FCHSD2: variants seen among roughly 807,000 people sequenced by gnomAD.
FCHSD2 encodes the protein F-BAR and double SH3 domains protein 2.
Under a neutral mutation model 108.1 loss-of-function variants are expected in FCHSD2, and 38 were observed. The ratio of observed to expected loss-of-function variants is 0.35; its 90% CI spans 0.27 to 0.46. The LOEUF is 0.46. Among genes scored for constraint, FCHSD2 ranks in the 20% least tolerant of loss-of-function variants. The pLI is 1.00. For synonymous variants in FCHSD2, 279 were observed against 314.7 expected (o/e 0.89, Z 1.20); for missense variants, 751 against 897.8 (o/e 0.84, Z 2.09).
intron 5 of FCHSD2, among the ~76,000 whole-genome samples, chr11:72,991,029 T>C (rs568875975): frequency 1.3e-5 from 2 of 152,120 alleles, no homozygotes; most frequent in Non-Finnish European, 2.9e-5. Context: ...ATAAAGGGGA[T>C]ATCACCACCA....
intron 3 of FCHSD2, among the ~76,000 whole-genome samples, chr11:73,030,849 T>C (rs565287095): frequency 1.3e-5 from 2 of 152,262 alleles, no homozygotes; most frequent in African/African-American, 4.8e-5. Flanking sequence ...AGCCTACTCT[T>C]TCAGCAAAAA....
chr11:72,894,669 A>C (rs981328245), intron 10 of FCHSD2, among the ~76,000 whole-genome samples: 2 of 152,178 alleles, frequency 1.3e-5, no homozygotes, highest in Non-Finnish European at 2.9e-5. Flanking sequence ...TTCCAACTAC[A>C]CGTTTGTACA....
At chr11:73,036,060 T>C (rs1397642333) in intron 3 of FCHSD2, among the ~76,000 whole-genome samples, 3 of 152,086 alleles carry the variant, frequency 2.0e-5, no homozygotes, top group Admixed American at 2.0e-4. Flanking sequence ...GATCAAATAT[T>C]TAAGCAAACT....
chr11:73,134,567 C>T (rs1861078834), intron 2 of FCHSD2, among the ~76,000 whole-genome samples: 1 of 152,196 alleles, frequency 6.6e-6, no homozygotes, highest in African/African-American at 2.4e-5. Flanking sequence ...ACATACAGTA[C>T]AGTAATTCCT....
chr11:72,996,223 C>CT (rs1181310859), intron 5 of FCHSD2, among the ~76,000 whole-genome samples: 6 of 152,190 alleles, frequency 3.9e-5, no homozygotes, highest in Non-Finnish European at 7.3e-5. Flanking sequence ...AGTTCCCACT[C>CT]TGTTATTTAC....
chr11:73,004,972 C>G (rs942051724), intron 4 of FCHSD2, among the ~76,000 whole-genome samples: 1 of 152,184 alleles, frequency 6.6e-6, no homozygotes, highest in African/African-American at 2.4e-5. Context: ...TGTCTCTGCA[C>G]CCATACATTA....
In FCHSD2 at chr11:72,901,576, C is replaced by T. The variant is rs1204340371; in HGVS notation, c.924+967G>A. 7.2e-5 allele frequency among the ~76,000 whole-genome samples: 11 copies of T among 151,876 alleles called. No individual in the cohort carries two copies. In the East Asian group the frequency reaches 2.1e-3, roughly 29 times the overall value. On this transcript the variant is annotated intron_variant, in intron 10 of 19. Coordinates refer to ENST00000409418, the MANE Select transcript of FCHSD2 (RefSeq NM_014824.3). ...AAAGTGATGAAATGTTGTGGAACTA[C>T]CAAGTTATGACAGTGCACAGCACTG...
At chr11:72,887,804 C>T (rs1382128905) in intron 11 of FCHSD2, among the ~76,000 whole-genome samples, 1 of 152,120 alleles carries the variant, frequency 6.6e-6, no homozygotes. Flanking sequence ...CTGATTGCCG[C>T]CACATGAGAG....
At chr11:72,922,793 A>G (rs1046414181) in intron 8 of FCHSD2, among the ~76,000 whole-genome samples, 2 of 152,188 alleles carry the variant, frequency 1.3e-5, no homozygotes, top group Admixed American at 1.3e-4. Flanking sequence ...GGTAAAATTC[A>G]CCCAATATAA....
At chr11:72,975,330 T>C (rs1176177602) in intron 8 of FCHSD2, among the ~76,000 whole-genome samples, 1 of 151,838 alleles carries the variant, frequency 6.6e-6, no homozygotes, top group East Asian at 1.9e-4. Flanking sequence ...CAGTAGAGAG[T>C]AGATTGGTGG....
At chr11:73,061,205 A>T (rs965928682) in intron 3 of FCHSD2, among the ~76,000 whole-genome samples, 1 of 152,176 alleles carries the variant, frequency 6.6e-6, no homozygotes, top group Non-Finnish European at 1.5e-5. Context: ...GGGAAGCACA[A>T]AGGGTCAGGG....
intron 4 of FCHSD2, among the ~76,000 whole-genome samples, chr11:73,005,337 C>T (rs1857716720): frequency 1.3e-5 from 2 of 152,198 alleles, no homozygotes; most frequent in African/African-American, 4.8e-5. Context: ...AAATTGCTTG[C>T]CAAAGTCATC....
intron 3 of FCHSD2, among the ~76,000 whole-genome samples, chr11:73,031,526 G>A (rs1158977675): frequency 6.6e-6 from 1 of 152,106 alleles, no homozygotes; most frequent in Admixed American, 6.6e-5. Flanking sequence ...GGAACGGGGA[G>A]GGAGACAGTA....
At chr11:73,074,098 A>G (rs1399626451) in intron 3 of FCHSD2, among the ~76,000 whole-genome samples, 1 of 152,204 alleles carries the variant, frequency 6.6e-6, no homozygotes, top group Admixed American at 6.5e-5. Flanking sequence ...GGAAAAAAAT[A>G]TTTCAAAGAT....
chr11:72,945,083 C>T (rs1214053786), intron 8 of FCHSD2, among the ~76,000 whole-genome samples: 2 of 152,126 alleles, frequency 1.3e-5, no homozygotes, highest in South Asian at 2.1e-4. Context: ...AAAGAGCCTG[C>T]ATTGCCAAGT....
intron 8 of FCHSD2, among the ~76,000 whole-genome samples, chr11:72,949,082 A>G (rs540148569): frequency 1.3e-5 from 2 of 152,356 alleles, no homozygotes; most frequent in South Asian, 4.1e-4. Flanking sequence ...TATACAATGC[A>G]GTGGCTTTTA....
chr11:73,082,335 C>CCA (rs1466695525), intron 3 of FCHSD2, among the ~76,000 whole-genome samples: 1,477 of 34,494 alleles, frequency 0.043, 121 homozygotes, highest in African/African-American at 0.15. Flanking sequence ...AGACTTGTCC[C>CCA]AAAAAAAAAA....
chr11:73,092,374 C>T (rs1859978838), intron 2 of FCHSD2, among the ~76,000 whole-genome samples: 1 of 151,800 alleles, frequency 6.6e-6, no homozygotes, highest in South Asian at 2.1e-4. Flanking sequence ...TCCTGGCTTC[C>T]AGTGATTCTT....
intron 8 of FCHSD2, among the ~76,000 whole-genome samples, chr11:72,944,373 T>C (rs1450708454): frequency 2.0e-5 from 3 of 152,118 alleles, no homozygotes; most frequent in Non-Finnish European, 4.4e-5. Flanking sequence ...AAACTCTCAA[T>C]AAATTAGGTA....
Sources: gnomAD v4.1 joint callset for allele counts (sites outside exome capture counted in the v4.1 genomes callset) on GRCh38, gnomAD v4.1.1 for gene constraint, MANE v1.5 for transcripts, NCBI Gene and HGNC (gene_info 2026-07-23, HGNC 2026-07-21) for gene names.